The following PCSK1 variants were observed in gnomAD, a reference collection of about 807,000 sequenced individuals.
The protein encoded by PCSK1 is neuroendocrine convertase 1.
Under a neutral mutation model 90.6 loss-of-function variants are expected in PCSK1, and 56 were observed. That is an observed-to-expected ratio of 0.62 (90% CI 0.50 to 0.77). PCSK1 has a LOEUF of 0.77. Ranked by LOEUF, PCSK1 falls within the 30% of genes least tolerant of loss-of-function variation. PCSK1 has a pLI of 0.00. For missense variants in PCSK1, 801 were observed against 932.6 expected, an observed-to-expected ratio of 0.86 and a Z score of 1.84; for synonymous variants, 348 against 342.4, an observed-to-expected ratio of 1.02 and a Z score of -0.18.
rs138433207 is a variant in PCSK1, at chr5:96,393,173, T to A, written c.2090A>T (p.Tyr697Phe). 1.2e-6 allele frequency: 2 copies of A among 1,614,102 alleles called. No individual in the cohort carries two copies. The highest frequency in any genetic ancestry group is 2.7e-5 in the African/African-American group (2 of 74,944). ...TTCCAGGGCTTCGTAGAAGTTTTCATAAGGGATGTTGAGCTTTGCACTTGG... is the reference window on the plus strand; with the variant it reads ...TTCCAGGGCTTCGTAGAAGTTTTCAAAAGGGATGTTGAGCTTTGCACTTGG... ...KSPSAKLNIP[Y>F]ENFYEALEKL... The change falls in exon 14 of 14, where the codon TAT becomes TTT. Residue 697 changes from tyrosine to phenylalanine, a missense_variant. Physicochemically the swap from Tyr to Phe is conservative, Grantham distance 22. Transcript: ENST00000311106.
intron 1 of PCSK1, chr5:96,432,234 G>C: frequency 1.0e-6 from 1 of 976,416 alleles, no homozygotes; most frequent in Non-Finnish European, 1.5e-6. Flanking sequence ...CGCGGGGATA[G>C]ATGGTCCCGT....
intron 9 of PCSK1, among the ~76,000 whole-genome samples, chr5:96,406,165 C>T (rs978130241): frequency 2.6e-5 from 4 of 152,106 alleles, no homozygotes; most frequent in Admixed American, 1.3e-4. Flanking sequence ...AAAAAGGTCT[C>T]GTTTGACCCC....
At chr5:96,397,567 G>A in intron 11 of PCSK1, 98 bp from the exon 12 acceptor site, 3 of 1,142,882 alleles carry the variant, frequency 2.6e-6, no homozygotes, top group Middle Eastern at 2.0e-4. Context: ...AAAAAGATGA[G>A]TTCTCCTAAT....
chr5:96,429,372 G>A, intron 1 of PCSK1, 55 bp from the exon 2 acceptor site: 1 of 971,290 alleles, frequency 1.0e-6, no homozygotes, highest in East Asian at 2.4e-5. Flanking sequence ...AGTATATATG[G>A]ACTAGTTTAA....
intron 11 of PCSK1, among the ~76,000 whole-genome samples, chr5:96,397,911 A>G (rs527267169): frequency 7.9e-5 from 12 of 151,784 alleles, no homozygotes; most frequent in Non-Finnish European, 1.3e-4. Flanking sequence ...CATAAAAATT[A>G]TTATTTAATT....
intron 3 of PCSK1, 76 bp downstream of exon 3, chr5:96,425,744 T>G (rs1580768015): frequency 2.7e-6 from 2 of 745,192 alleles, no homozygotes; most frequent in Non-Finnish European, 4.6e-6. Context: ...AAAAAAAAAA[T>G]CCATGTTGCA....
chr5:96,420,359 T>C (rs138632162), intron 5 of PCSK1, among the ~76,000 whole-genome samples: 1 of 152,302 alleles, frequency 6.6e-6, no homozygotes, highest in African/African-American at 2.4e-5. Context: ...TTCAGACATA[T>C]AGCAAAAAGT....
At position 96,394,925 on chromosome 5, in the gene PCSK1, G is replaced by A. The variant is rs376038499; in HGVS notation, c.1823C>T (p.Thr608Met). The change falls in exon 13 of 14, where the codon ACG becomes ATG. Residue 608 changes from threonine (T) to methionine (M), a missense_variant. Coordinates refer to ENST00000311106, the MANE Select transcript of PCSK1 (RefSeq NM_000439.5). ...PEHMKQPRVY[T>M]SYNTVQNDRR... ...GTCATTCTGAACAGTGTTGTAGGAC[G>A]TGTACACACGAGGCTGCTTCATATG... 2.9e-5 allele frequency: 47 copies of A among 1,613,946 alleles called. No homozygotes were observed. The highest frequency in any genetic ancestry group is 4.4e-5 in the South Asian group (4 of 91,090).
intron 1 of PCSK1, among the ~76,000 whole-genome samples, chr5:96,431,124 C>T (rs1438626060): frequency 6.6e-6 from 1 of 152,194 alleles, no homozygotes; most frequent in East Asian, 1.9e-4. Flanking sequence ...ATAGGTCATA[C>T]ATGATTTGTA....
intron 2 of PCSK1, 141 bp from the exon 3 acceptor site, chr5:96,426,071 C>G: frequency 1.5e-6 from 1 of 682,474 alleles, no homozygotes; most frequent in South Asian, 1.6e-5. Context: ...AAACTGGCAC[C>G]TCAGTGAGAA....
rs1322014438 is a variant in PCSK1 at position 96,393,473 on chromosome 5, G to A, written c.1885-95C>T. 6.9e-5 allele frequency: 96 copies of A among 1,393,942 alleles called. 1 individual carries two copies. Among genetic ancestry groups the A allele is most frequent in the Non-Finnish European group, 9.1e-5 (90 of 992,568 alleles). The allele number at this position is 1,393,942 out of a possible 1,614,324, so 86.3% of individuals were successfully genotyped here. A position where few individuals can be genotyped will look rare whatever the true frequency, so the allele number is the denominator to read the frequency against. ...CCCTACCACAGGAACGCTGCCTGCC[G>A]CTTGAGAGGCAATGAGGGGAGGGGA... On this transcript the variant is annotated intron_variant, in intron 13 of 13. Transcript: ENST00000311106.
chr5:96,409,168 C>T (rs193149005), intron 8 of PCSK1, among the ~76,000 whole-genome samples: 1 of 152,186 alleles, frequency 6.6e-6, no homozygotes, highest in African/African-American at 2.4e-5. Context: ...GAAAAGACTT[C>T]CTGTCTGCCT....
intron 7 of PCSK1, among the ~76,000 whole-genome samples, chr5:96,411,818 A>G (rs767704265): frequency 6.6e-6 from 1 of 152,176 alleles, no homozygotes; most frequent in Non-Finnish European, 1.5e-5. Flanking sequence ...ATTTATTTAT[A>G]TTTAGTTTTG....
At chr5:96,412,980 C>T (rs970211663) in intron 6 of PCSK1, 1 of 1,001,450 alleles carries the variant, frequency 1.0e-6, no homozygotes, top group African/African-American at 1.8e-5. Flanking sequence ...ATGGCTGTCC[C>T]ACAAATGGCT....
intron 3 of PCSK1, 72 bp downstream of exon 3, chr5:96,425,748 T>G: frequency 1.2e-6 from 1 of 816,656 alleles, no homozygotes; most frequent in Admixed American, 2.0e-5. Flanking sequence ...AAAAAATCCA[T>G]GTTGCAAATG....
intron 3 of PCSK1, among the ~76,000 whole-genome samples, chr5:96,425,042 AAGAAAGAAAGAAAGAAAGAAAGAAAG>A (rs1324213342): frequency 7.1e-6 from 1 of 140,488 alleles, no homozygotes; most frequent in Non-Finnish European, 1.5e-5. Flanking sequence ...GAAAGAAAGA[AAGAAAGAAAGAAAGAAAGAAAGAAAG>A]AAAGAAAACG....
In PCSK1 at chr5:96,392,671, T is replaced by C. The variant is rs1003465683; in HGVS notation, c.*330A>G. 8 of 245,532 alleles carry C rather than the reference T, an allele frequency of 3.3e-5. No individual in the cohort carries two copies. Among genetic ancestry groups the C allele is most frequent in the Non-Finnish European group, 5.4e-5 (7 of 128,546 alleles). The allele number at this position is 245,532 out of a possible 1,614,324, so 15.2% of individuals were successfully genotyped here. A position where few individuals can be genotyped will look rare whatever the true frequency, so the allele number is the denominator to read the frequency against. On this transcript the variant is annotated 3_prime_UTR_variant, in exon 14 of 14. Transcript: ENST00000311106. ...ATTAATTGATATCCCAGGTTTTGCC[T>C]TTTCTTTTGAGAATTGAAATGGGCT...
rs779439952 is a variant in PCSK1, at chr5:96,429,331, G to A, written c.181-14C>T. Reference sequence around the variant, plus strand: ...AAGTGAACCAATCTATAAAAGGAAAGAAATAAAATAAATATCCACGTTCCC... The same window carrying A: ...AAGTGAACCAATCTATAAAAGGAAAAAAATAAAATAAATATCCACGTTCCC... On this transcript the variant is annotated splice_polypyrimidine_tract_variant and intron_variant, in intron 1 of 13. Coordinates refer to ENST00000311106, the MANE Select transcript of PCSK1 (RefSeq NM_000439.5). The A allele has an allele frequency of 7.2e-7, 1 of 1,379,950 alleles. No homozygotes were observed. The highest frequency in any genetic ancestry group is 1.0e-6 in the Non-Finnish European group (1 of 967,502). 85.5% of individuals were successfully genotyped at this position (1,379,950 alleles called of 1,614,324 possible).
Position 96,398,914 on chromosome 5 carries a change from C to G in PCSK1, c.1553G>C (p.Arg518Thr). 6.2e-7 allele frequency: 1 copy of G among 1,613,752 alleles called. No individual in the cohort carries two copies. ...AGTAAGTGTGACATGAAGGTCTCCT[C>G]TTCGGGAATATTCAATTGTTGCTTC... ...QFEATIEYSR[R>T]GDLHVTLTSA... Residue 518 changes from arginine to threonine, a missense_variant, in exon 11 of 14, where the codon AGA (arginine) becomes ACA (threonine). Transcript: ENST00000311106.
Sources: gnomAD v4.1 joint callset for allele counts (sites outside exome capture counted in the v4.1 genomes callset) on GRCh38, gnomAD v4.1.1 for gene constraint, MANE v1.5 for transcripts, NCBI Gene and HGNC (gene_info 2026-07-23, HGNC 2026-07-21) for gene names.